Variants in DOHH observed in about 807,000 individuals in gnomAD.
DOHH encodes the protein HEAT-like (PBS lyase) repeat containing 1.
Under a neutral mutation model 19.9 loss-of-function variants are expected in DOHH, and 16 were observed. The observed-to-expected ratio is 0.80, with a 90% CI of 0.54 to 1.22. The LOEUF is 1.22. Among genes scored for constraint, DOHH ranks in the 50% most tolerant of loss-of-function variants. The pLI is 0.00. For missense variants in DOHH, 460 were observed against 460.6 expected (o/e 1.00, Z 0.01); for synonymous variants, 233 against 217.0 (o/e 1.07, Z -0.65).
intron 4 of DOHH, 110 bp downstream of exon 4, chr19:3,492,152 G>GA: frequency 9.6e-7 from 1 of 1,045,604 alleles, no homozygotes. Context: ...TTGGGGCCAG[G>GA]CCCGGGATGC....
chr19:3,493,041 C>T (rs1407658722), intron 3 of DOHH, among the ~76,000 whole-genome samples: 1 of 152,238 alleles, frequency 6.6e-6, no homozygotes, highest in Non-Finnish European at 1.5e-5. Context: ...AAGGAACATG[C>T]ATGTCCGTGG....
Position 3,491,696 on chromosome 19 carries a change from G to GT in DOHH, c.704dup (p.Asn235LysfsTer37), listed in dbSNP as rs1406602853. The GT allele has an allele frequency of 6.5e-7, 1 of 1,527,386 alleles. No homozygotes were observed. The highest frequency in any genetic ancestry group is 2.1e-5 in the Admixed American group (1 of 46,746). The allele number at this position is 1,527,386 out of a possible 1,614,324, so 94.6% of individuals were successfully genotyped here. ...CCGCGCACTCGTGCCGCACCATGGGGTTCTCGGTGCATCGGGCCAGGGCGG... is the reference window on the plus strand; with the variant it reads ...CCGCGCACTCGTGCCGCACCATGGGGTTTCTCGGTGCATCGGGCCAGGGCGG... On this transcript the variant is annotated frameshift_variant, in exon 5 of 5. Coordinates refer to ENST00000427575, the MANE Select transcript of DOHH (RefSeq NM_001145165.2). LOFTEE classifies it low-confidence loss of function (END_TRUNC). The surrounding 1 kb of genome is among the most constrained non-coding windows in gnomAD (Gnocchi z 5.6).
Position 3,496,876 on chromosome 19 carries a change from G to A in DOHH, c.-62C>T. 2 of 1,407,682 alleles carry A rather than the reference G, an allele frequency of 1.4e-6. No individual in the cohort carries two copies. Among genetic ancestry groups the A allele is most frequent in the Non-Finnish European group, 1.9e-6 (2 of 1,076,112 alleles). 87.2% of individuals were successfully genotyped at this position (1,407,682 alleles called of 1,614,324 possible). On this transcript the variant is annotated 5_prime_UTR_variant, in exon 2 of 5. Coordinates refer to ENST00000427575, the MANE Select transcript of DOHH (RefSeq NM_001145165.2). The surrounding 1 kb of genome is among the most constrained non-coding windows in gnomAD (Gnocchi z 4.8). ...CTCAGGCTAAACCTGGGGACGCGGG[G>A]ATGTAAGAACCTGTGGCAGAAAAAT...
chr19:3,499,359 T>C (rs2082932413), intron 1 of DOHH, among the ~76,000 whole-genome samples: 1 of 152,242 alleles, frequency 6.6e-6, no homozygotes, highest in Admixed American at 6.5e-5. Context: ...GTTTAGTTGC[T>C]TGTGATTGGT....
chr19:3,495,240 G>A (rs550902955), intron 2 of DOHH, among the ~76,000 whole-genome samples: 122 of 152,276 alleles, frequency 8.0e-4, no homozygotes, highest in Non-Finnish European at 1.5e-3. Context: ...GCCTCCCAAA[G>A]TGCTGGGATT....
At position 3,492,526 on chromosome 19, in the gene DOHH, G is replaced by A. The variant is rs1327664643; in HGVS notation, c.352-27C>T. The A allele has an allele frequency of 8.8e-6, 12 of 1,369,800 alleles. No homozygotes were observed. The African/African-American group carries it at 1.7e-4, about 19-fold the overall frequency. The allele number at this position is 1,369,800 out of a possible 1,614,324, so 84.9% of individuals were successfully genotyped here. On this transcript the variant is annotated intron_variant, in intron 3 of 4. Transcript: ENST00000427575. ...TGCGGGGAGGGGGTATCAGGCAGCG[G>A]GTTGGCCCTGGGGGGTCGCAGGGGC...
At position 3,496,141 on chromosome 19, in the gene DOHH, G is replaced by A. The variant is rs918563879; in HGVS notation, c.274+400C>T. 3.3e-5 allele frequency among the ~76,000 whole-genome samples: 5 copies of A among 151,976 alleles called. No homozygotes were observed. Among genetic ancestry groups the A allele is most frequent in the Non-Finnish European group, 7.4e-5 (5 of 67,992 alleles). On this transcript the variant is annotated intron_variant, in intron 2 of 4. Coordinates refer to ENST00000427575, the MANE Select transcript of DOHH (RefSeq NM_001145165.2). This position sits in a 1 kb window ranked among gnomAD's most constrained non-coding sequence, Gnocchi z 4.8. Reference sequence around the variant, plus strand: ...ATTCTCCCGCCTCAGCCTCCCAAGTGGCTGCGACTACAGGTGCATGCCACC... The same window carrying A: ...ATTCTCCCGCCTCAGCCTCCCAAGTAGCTGCGACTACAGGTGCATGCCACC...
At chr19:3,493,843 G>C (rs1206926700) in intron 3 of DOHH, among the ~76,000 whole-genome samples, 185 bp downstream of exon 3, 1 of 152,174 alleles carries the variant, frequency 6.6e-6, no homozygotes, top group Non-Finnish European at 1.5e-5. Context: ...ATGGGGCGCA[G>C]CAAGTGTCTG....
In DOHH at chr19:3,491,374, G is replaced by A. The variant is rs1375305918; in HGVS notation, c.*118C>T. 44 of 1,124,924 alleles carry A rather than the reference G, an allele frequency of 3.9e-5. 1 individual carries two copies. In the Admixed American group the frequency reaches 6.4e-4, roughly 16 times the overall value. The allele number at this position is 1,124,924 out of a possible 1,614,324, so 69.7% of individuals were successfully genotyped here. On this transcript the variant is annotated 3_prime_UTR_variant, in exon 5 of 5. Transcript: ENST00000427575. The surrounding 1 kb of genome is among the most constrained non-coding windows in gnomAD (Gnocchi z 5.6). The stretch of plus-strand genomic sequence containing the variant: ...CGGAGGAGGGGGACAGCAACCATGC[G>A]CCCAGCAAGACACAAGCGATGACAC...
At chr19:3,497,213 C>A (rs974568357) in intron 1 of DOHH, among the ~76,000 whole-genome samples, 2 of 152,148 alleles carry the variant, frequency 1.3e-5, no homozygotes, top group Non-Finnish European at 2.9e-5. Flanking sequence ...TATAGCGATC[C>A]CCACCCAATA....
Position 3,492,863 on chromosome 19 carries a change from G to A in DOHH, c.352-364C>T, listed in dbSNP as rs2082881395. Among the ~76,000 whole-genome samples, 2 of 152,346 alleles carry A rather than the reference G, an allele frequency of 1.3e-5. 1 individual carries two copies. The highest frequency in any genetic ancestry group is 6.8e-3 in the Middle Eastern group (2 of 294). ...CCCCACCTGACCAGGTAAGGCCTGC[G>A]GGCCACTGTAAGGGCTTGGGATTTT... is the stretch of plus-strand genomic sequence containing the variant. On this transcript the variant is annotated intron_variant, in intron 3 of 4. Coordinates refer to ENST00000427575, the MANE Select transcript of DOHH (RefSeq NM_001145165.2).
In DOHH at chr19:3,496,170, C is replaced by G. The variant is rs984581768; in HGVS notation, c.274+371G>C. Among the ~76,000 whole-genome samples, 16 of 152,074 alleles carry G rather than the reference C, an allele frequency of 1.1e-4. No homozygotes were observed. The highest frequency in any genetic ancestry group is 2.1e-4 in the Non-Finnish European group (14 of 68,024). The stretch of plus-strand genomic sequence containing the variant: ...GCGACTACAGGTGCATGCCACCATG[C>G]CTGGCTAATTTTTGTATTTTTTCTA... On this transcript the variant is annotated intron_variant, in intron 2 of 4. Transcript: ENST00000427575. The surrounding 1 kb of genome is among the most constrained non-coding windows in gnomAD (Gnocchi z 4.8).
chr19:3,493,660 G>C (rs2082887325), intron 3 of DOHH, among the ~76,000 whole-genome samples: 1 of 152,082 alleles, frequency 6.6e-6, no homozygotes, highest in Non-Finnish European at 1.5e-5. Flanking sequence ...TCTCTGAAGA[G>C]GTCTGGTGGG....
intron 1 of DOHH, among the ~76,000 whole-genome samples, chr19:3,499,992 T>A (rs2082937416): frequency 1.3e-5 from 2 of 152,118 alleles, no homozygotes; most frequent in Non-Finnish European, 2.9e-5. Flanking sequence ...GGGAGCAGCG[T>A]GAAGAGTTAG....
At position 3,491,764 on chromosome 19, in the gene DOHH, G is replaced by A; in HGVS notation, c.637C>T (p.Leu213=). 1 of 1,511,454 alleles carries A rather than the reference G, an allele frequency of 6.6e-7. No individual in the cohort carries two copies. Among genetic ancestry groups the A allele is most frequent in the South Asian group, 1.3e-5 (1 of 79,136 alleles). The allele number at this position is 1,511,454 out of a possible 1,614,324, so 93.6% of individuals were successfully genotyped here. The change falls in exon 5 of 5, where the codon CTG becomes TTG. Residue 213 remains leucine (L), a synonymous_variant. Transcript: ENST00000427575. The surrounding 1 kb of genome is among the most constrained non-coding windows in gnomAD (Gnocchi z 5.6). ...GCCGCCTCGTGCTGCAGCTGTCCCA[G>A]GACGTAGCCGACCTCGTGGCGGAAG... ...ALFRHEVGYV[L]GQLQHEAAVP...
chr19:3,496,638 G>C lies in DOHH; in HGVS notation c.177C>G (p.Ala59=). ...CATCCTGCATCTGGCCCAGGCAGTA[G>C]GCCAGCTCGTGCTTGAGCAGGGCGG... is the stretch of plus-strand genomic sequence containing the variant. The part of the protein sequence containing the change: ...DDSALLKHEL[A]YCLGQMQDAR... Residue 59 remains alanine, a synonymous_variant, in exon 2 of 5, where the codon GCC becomes GCG. Transcript: ENST00000427575. The surrounding 1 kb of genome is among the most constrained non-coding windows in gnomAD (Gnocchi z 4.8). 2 of 1,614,052 alleles carry C rather than the reference G, an allele frequency of 1.2e-6. No homozygotes were observed. The highest frequency in any genetic ancestry group is 1.7e-6 in the Non-Finnish European group (2 of 1,180,036).
Position 3,496,678 on chromosome 19 carries a change from G to C in DOHH, c.137C>G (p.Ala46Gly), listed in dbSNP as rs1205464943. The C allele has an allele frequency of 3.7e-6, 6 of 1,613,796 alleles. No homozygotes were observed. Among genetic ancestry groups the C allele is most frequent in the Non-Finnish European group, 5.1e-6 (6 of 1,179,990 alleles). The change falls in exon 2 of 5, where the codon GCC becomes GGC. Residue 46 changes from alanine (A) to glycine (G), a missense_variant. Ala to Gly is a moderately conservative substitution (Grantham distance 60, BLOSUM62 0). Coordinates refer to ENST00000427575, the MANE Select transcript of DOHH (RefSeq NM_001145165.2). The surrounding 1 kb of genome is among the most constrained non-coding windows in gnomAD (Gnocchi z 4.8). ...GAGCAGGGCGGAATCGTCATCGAAGGCCTGGCTGATCCATGCAATGGCGCC... is the reference window on the plus strand; with the variant it reads ...GAGCAGGGCGGAATCGTCATCGAAGCCCTGGCTGATCCATGCAATGGCGCC... ...GPGAIAWISQ[A>G]FDDDSALLKH... is the part of the protein sequence containing the mutation.
chr19:3,496,758 C>T lies in DOHH; in HGVS notation c.57G>A (p.Gln19=), dbSNP rs1286446051. The T allele has an allele frequency of 6.2e-7, 1 of 1,609,032 alleles. No individual in the cohort carries two copies. The highest frequency in any genetic ancestry group is 8.5e-7 in the Non-Finnish European group (1 of 1,178,678). Reference sequence around the variant, plus strand: ...GCGCCCGGAAGCGGGCCTGCAGGGGCTGCTTGGGGTCCACCAGCGTCTGCC... The same window carrying T: ...GCGCCCGGAAGCGGGCCTGCAGGGGTTGCTTGGGGTCCACCAGCGTCTGCC... The part of the protein sequence containing the change: ...AIGQTLVDPK[Q]PLQARFRALF... Residue 19 remains glutamine (Q), a synonymous_variant, in exon 2 of 5, where the codon CAG becomes CAA. Transcript: ENST00000427575. This position sits in a 1 kb window ranked among gnomAD's most constrained non-coding sequence, Gnocchi z 4.8.
At position 3,491,530 on chromosome 19, in the gene DOHH, C is replaced by A. The variant is rs1414439735; in HGVS notation, c.871G>T (p.Ala291Ser). The A allele has an allele frequency of 6.5e-7, 1 of 1,535,558 alleles. No individual in the cohort carries two copies. Among genetic ancestry groups the A allele is most frequent in the East Asian group, 2.4e-5 (1 of 40,906 alleles). The change falls in exon 5 of 5, where the codon GCG becomes TCG. Residue 291 changes from alanine to serine, a missense_variant. Physicochemically the swap from Ala to Ser is moderately conservative, Grantham distance 99. Transcript: ENST00000427575. This position sits in a 1 kb window ranked among gnomAD's most constrained non-coding sequence, Gnocchi z 5.6. ...EHETGRAFQYADGLEQLRGAP... is the reference protein window; with the variant it reads ...EHETGRAFQYSDGLEQLRGAP... The stretch of plus-strand genomic sequence containing the variant: ...CCGCGCAGCTGCTCCAGGCCGTCCG[C>A]GTACTGGAAGGCCCGCCCGGTCTCG...
Sources: allele counts gnomAD v4.1 joint callset (sites outside exome capture counted in the v4.1 genomes callset), GRCh38; gene constraint gnomAD v4.1.1; non-coding constraint Gnocchi (gnomAD v3.1); transcripts MANE v1.5; gene names NCBI Gene and HGNC (gene_info 2026-07-23, HGNC 2026-07-21).